The following IPCEF1 variants were observed in gnomAD, a reference collection of about 807,000 sequenced individuals.
IPCEF1 encodes the protein interaction protein for cytohesin exchange factors 1.
In IPCEF1, 31 loss-of-function variants were observed where a neutral mutation model predicts 50.9. The observed-to-expected ratio is 0.61, with a 90% CI of 0.46 to 0.82. The LOEUF is 0.82. IPCEF1 is among the 40% of genes least tolerant of loss of function. IPCEF1 has a pLI of 0.00. For synonymous variants in IPCEF1, 181 were observed against 192.0 expected (o/e 0.94, Z 0.47); for missense variants, 458 against 514.0 (o/e 0.89, Z 1.05).
intron 3 of IPCEF1, among the ~76,000 whole-genome samples, chr6:154,257,978 C>T (rs537530639): frequency 6.6e-6 from 1 of 152,316 alleles, no homozygotes; most frequent in East Asian, 1.9e-4. Flanking sequence ...GCTGGGATTA[C>T]AGGTGTGAGC....
intron 1 of IPCEF1, among the ~76,000 whole-genome samples, chr6:154,331,038 G>A (rs191735258): frequency 1.2e-4 from 18 of 152,188 alleles, no homozygotes; most frequent in Admixed American, 5.2e-4. Flanking sequence ...AGGCCGAGGC[G>A]GGTGGATCAC....
At chr6:154,350,856 G>T (rs1397946873) in intron 1 of IPCEF1, among the ~76,000 whole-genome samples, 1 of 152,114 alleles carries the variant, frequency 6.6e-6, no homozygotes, top group Non-Finnish European at 1.5e-5. Flanking sequence ...GAGTAGCTGG[G>T]ATTACAGGCA....
At chr6:154,237,451 C>T (rs965305626) in intron 5 of IPCEF1, among the ~76,000 whole-genome samples, 3 of 152,222 alleles carry the variant, frequency 2.0e-5, no homozygotes, top group African/African-American at 7.2e-5. Flanking sequence ...TTCCTGGTAT[C>T]TGAAAATTCC....
chr6:154,298,829 G>T (rs1184349832), intron 1 of IPCEF1, among the ~76,000 whole-genome samples: 1 of 152,092 alleles, frequency 6.6e-6, no homozygotes, highest in Non-Finnish European at 1.5e-5. Context: ...AGGCATGGTG[G>T]CGCATGCCTG....
intron 3 of IPCEF1, among the ~76,000 whole-genome samples, chr6:154,260,027 T>G (rs555829248): frequency 6.6e-6 from 1 of 152,262 alleles, no homozygotes; most frequent in East Asian, 1.9e-4. Flanking sequence ...GAGTGAGCGG[T>G]GAGACATGCA....
At chr6:154,350,050 C>T (rs1784095589) in intron 1 of IPCEF1, among the ~76,000 whole-genome samples, 1 of 152,096 alleles carries the variant, frequency 6.6e-6, no homozygotes, top group African/African-American at 2.4e-5. Context: ...GAAATCCTGG[C>T]TATTTATGCT....
At chr6:154,225,515 A>G (rs1235756538) in intron 5 of IPCEF1, among the ~76,000 whole-genome samples, 1 of 152,240 alleles carries the variant, frequency 6.6e-6, no homozygotes, top group Non-Finnish European at 1.5e-5. Flanking sequence ...GTATGATTCA[A>G]TTTATATGAA....
chr6:154,231,640 TAAGA>T (rs1337654567), intron 5 of IPCEF1, among the ~76,000 whole-genome samples: 1 of 152,114 alleles, frequency 6.6e-6, no homozygotes, highest in Non-Finnish European at 1.5e-5. Context: ...TAATTTTGTG[TAAGA>T]AAGGAGGAAG....
chr6:154,196,169 C>T lies in IPCEF1; in HGVS notation c.910+3499G>A, dbSNP rs192604294. The stretch of plus-strand genomic sequence containing the variant: ...TAGGTACTCAAAAAAATGATATATA[C>T]ACAATATAATAATGCAAAATTGAAT... On this transcript the variant is annotated intron_variant, in intron 10 of 11. Coordinates refer to ENST00000367220, the MANE Select transcript of IPCEF1 (RefSeq NM_001130700.2). Among the ~76,000 whole-genome samples the T allele has an allele frequency of 2.2e-3, 332 of 152,188 alleles. 1 individual carries two copies. The highest frequency in any genetic ancestry group is 2.1e-3 in the Non-Finnish European group (141 of 68,002).
At chr6:154,264,930 G>A (rs757929717) in intron 3 of IPCEF1, among the ~76,000 whole-genome samples, 11 of 152,046 alleles carry the variant, frequency 7.2e-5, no homozygotes, top group South Asian at 2.1e-4. Context: ...TCTAATTTGC[G>A]TCAAGAAACC....
chr6:154,295,459 C>T (rs932911787), intron 1 of IPCEF1, among the ~76,000 whole-genome samples: 7 of 119,324 alleles, frequency 5.9e-5, no homozygotes, highest in Admixed American at 2.5e-4. Flanking sequence ...CCCATCTCAC[C>T]GCACCCCACC....
rs1254877057 is a variant in IPCEF1, at chr6:154,157,076, G to C, written c.*2752C>G. Reference sequence around the variant, plus strand: ...GAAACTACCCCAAATGCATTTCAGAGATGACCCGGTCTCAAGAAATATACT... The same window carrying C: ...GAAACTACCCCAAATGCATTTCAGACATGACCCGGTCTCAAGAAATATACT... On this transcript the variant is annotated 3_prime_UTR_variant, in exon 12 of 12. Transcript: ENST00000367220. 6.6e-6 allele frequency: 1 copy of C among 152,302 alleles called. No homozygotes were observed. Among genetic ancestry groups the C allele is most frequent in the African/African-American group, 2.4e-5 (1 of 41,460 alleles). 9.4% of individuals were successfully genotyped at this position (152,302 alleles called of 1,614,324 possible).
intron 11 of IPCEF1, among the ~76,000 whole-genome samples, chr6:154,167,199 T>C (rs775472504): frequency 1.3e-5 from 2 of 152,262 alleles, no homozygotes; most frequent in Non-Finnish European, 2.9e-5. Context: ...AGGAGCATTT[T>C]ACAAAGTATC....
chr6:154,276,976 G>A (rs534505458), intron 2 of IPCEF1, among the ~76,000 whole-genome samples: 4 of 152,306 alleles, frequency 2.6e-5, no homozygotes, highest in Non-Finnish European at 5.9e-5. Context: ...GCTACTCGTG[G>A]GATCATAGAT....
At chr6:154,225,931 T>A (rs1343065790) in intron 5 of IPCEF1, among the ~76,000 whole-genome samples, 3 of 152,144 alleles carry the variant, frequency 2.0e-5, no homozygotes, top group Non-Finnish European at 4.4e-5. Context: ...CATCTACTGT[T>A]TTTAGTCCTC....
At chr6:154,218,352 TA>T (rs1396926062) in intron 7 of IPCEF1, among the ~76,000 whole-genome samples, 3 of 152,226 alleles carry the variant, frequency 2.0e-5, no homozygotes, top group Non-Finnish European at 4.4e-5. Context: ...CTTAATTACT[TA>T]CCCCTGTACT....
intron 5 of IPCEF1, among the ~76,000 whole-genome samples, chr6:154,229,655 A>T (rs1431920832): frequency 1.3e-5 from 2 of 152,076 alleles, no homozygotes; most frequent in Non-Finnish European, 2.9e-5. Context: ...CGTGCCCAGC[A>T]GTTTGTCAGT....
chr6:154,224,166 G>A (rs12216449), intron 5 of IPCEF1, among the ~76,000 whole-genome samples: 12,321 of 152,228 alleles, frequency 0.081, 989 homozygotes, highest in East Asian at 0.41. Flanking sequence ...ATTGGGAGAT[G>A]AGTAAAAATG....
intron 3 of IPCEF1, among the ~76,000 whole-genome samples, chr6:154,253,874 C>A (rs1012295402): frequency 3.3e-5 from 5 of 152,044 alleles, no homozygotes; most frequent in African/African-American, 1.2e-4. Flanking sequence ...TAACTTATTA[C>A]CCTTTCTTTA....
Sources: gnomAD v4.1 joint callset for allele counts (sites outside exome capture counted in the v4.1 genomes callset) on GRCh38, gnomAD v4.1.1 for gene constraint, MANE v1.5 for transcripts, NCBI Gene and HGNC (gene_info 2026-07-23, HGNC 2026-07-21) for gene names.